The following STK3 variants were observed in gnomAD, a reference collection of about 807,000 sequenced individuals.
STK3 encodes serine/threonine-protein kinase 3.
In STK3, 41 loss-of-function variants were observed where a neutral mutation model predicts 58.0. The observed-to-expected ratio is 0.71, with a 90% confidence interval of 0.55 to 0.92. STK3 has a LOEUF of 0.92. STK3 is among the 40% of genes least tolerant of loss of function. The probability of loss-of-function intolerance (pLI) is 0.00; values close to 1 mark genes in which losing one functional copy is unlikely to be tolerated. For missense variants in STK3, 479 were observed against 602.7 expected (o/e 0.79, Z 2.15); for synonymous variants, 170 against 191.0 (o/e 0.89, Z 0.91).
At chr8:98,511,867 G>C (rs540687217) in intron 10 of STK3, among the ~76,000 whole-genome samples, 1 of 152,052 alleles carries the variant, frequency 6.6e-6, no homozygotes, top group Non-Finnish European at 1.5e-5. Context: ...ATTTAAGTTA[G>C]AGGTTATGTA....
intron 9 of STK3, among the ~76,000 whole-genome samples, chr8:98,529,580 T>C (rs1826005466): frequency 6.6e-6 from 1 of 152,244 alleles, no homozygotes; most frequent in Non-Finnish European, 1.5e-5. Context: ...TCTGGGTATA[T>C]ATCCGGAACT....
At chr8:98,850,292 G>T (rs1277432527) in intron 3 of STK3, among the ~76,000 whole-genome samples, 1 of 152,112 alleles carries the variant, frequency 6.6e-6, no homozygotes, top group Admixed American at 6.5e-5. Context: ...TCCCTCCTCA[G>T]CTTCCTAAGT....
chr8:98,694,333 C>G (rs1288513496), intron 6 of STK3, among the ~76,000 whole-genome samples: 1 of 151,546 alleles, frequency 6.6e-6, no homozygotes. Context: ...AGATAGAGAC[C>G]TTTTTTTAGG....
intron 3 of STK3, among the ~76,000 whole-genome samples, chr8:98,878,530 T>C (rs1033250375): frequency 6.6e-6 from 1 of 152,080 alleles, no homozygotes; most frequent in African/African-American, 2.4e-5. Context: ...TAACCATTTT[T>C]CCCGCCAAAC....
chr8:98,706,054 G>C (rs1318051281), intron 6 of STK3, among the ~76,000 whole-genome samples: 1 of 149,568 alleles, frequency 6.7e-6, no homozygotes, highest in Non-Finnish European at 1.5e-5. Flanking sequence ...AAGAGAAAAG[G>C]CAGAAAAAAA....
intron 10 of STK3, among the ~76,000 whole-genome samples, chr8:98,502,014 A>C (rs1314345487): frequency 6.6e-6 from 1 of 152,166 alleles, no homozygotes; most frequent in Non-Finnish European, 1.5e-5. Flanking sequence ...CATTTTCACA[A>C]TATTGATGCC....
intron 4 of STK3, among the ~76,000 whole-genome samples, chr8:98,740,209 G>C (rs937172374): frequency 1.9e-4 from 29 of 152,110 alleles, no homozygotes; most frequent in Admixed American, 1.2e-3. Flanking sequence ...ATCTAGCAAG[G>C]CAGGCCAACA....
rs558761963 is a variant in STK3, at chr8:98,710,714, G to T, written c.352-3403C>A. Among the ~76,000 whole-genome samples the T allele has an allele frequency of 2.6e-5, 4 of 152,346 alleles. No individual in the cohort carries two copies. The South Asian group carries it at 8.3e-4, about 32-fold the overall frequency. ...TACCTCTGTAGACTCCACCTCTGGG[G>T]GCAGGGCATAGCCAAACAAGGCAGC... On this transcript the variant is annotated intron_variant, in intron 4 of 10. Coordinates refer to ENST00000419617, the MANE Select transcript of STK3 (RefSeq NM_006281.4).
rs567929051 is a variant in STK3 at position 98,596,028 on chromosome 8, T to C, written c.822+4A>G. The C allele has an allele frequency of 3.1e-6, 5 of 1,612,670 alleles. No individual in the cohort carries two copies. The highest frequency in any genetic ancestry group is 1.7e-4 in the Middle Eastern group (1 of 6,060). On this transcript the variant is annotated splice_donor_region_variant and intron_variant, in intron 7 of 10. Coordinates refer to ENST00000419617, the MANE Select transcript of STK3 (RefSeq NM_006281.4). ...ATCCTTCCCTTCGAGGCACAAGCACTGACCTGTAAAAGTTGTGTTGCAGTA... is the reference window on the plus strand; with the variant it reads ...ATCCTTCCCTTCGAGGCACAAGCACCGACCTGTAAAAGTTGTGTTGCAGTA...
chr8:98,907,803 A>T (rs1403550880), intron 1 of STK3, among the ~76,000 whole-genome samples: 1 of 152,208 alleles, frequency 6.6e-6, no homozygotes, highest in Non-Finnish European at 1.5e-5. Context: ...TTAAATTAGG[A>T]TCCAGACTAG....
chr8:98,431,671 T>C (rs1012281301), intron 3 of STK3: 1 of 167,046 alleles, frequency 6.0e-6, no homozygotes, highest in Non-Finnish European at 1.5e-5. Context: ...TTCATGAAGA[T>C]TTTTCTAAAC....
At chr8:98,816,823 C>T (rs1414988425) in intron 1 of STK3, among the ~76,000 whole-genome samples, 3 of 152,100 alleles carry the variant, frequency 2.0e-5, no homozygotes, top group Non-Finnish European at 2.9e-5. Context: ...TGTGAGCCAC[C>T]GTGTCTGGCC....
intron 1 of STK3, among the ~76,000 whole-genome samples, chr8:98,933,638 G>A (rs754907319): frequency 6.6e-6 from 1 of 152,148 alleles, no homozygotes; most frequent in Non-Finnish European, 1.5e-5. Context: ...TATGTCTTCA[G>A]TGTCACTCCA....
chr8:98,509,066 T>C (rs1563681766), intron 10 of STK3, among the ~76,000 whole-genome samples: 1 of 152,108 alleles, frequency 6.6e-6, no homozygotes, highest in Non-Finnish European at 1.5e-5. Flanking sequence ...ATCTTTTTTT[T>C]TCATCTGAAA....
chr8:98,380,710 T>G (rs1817723194), intron 1 of STK3, among the ~76,000 whole-genome samples: 1 of 152,342 alleles, frequency 6.6e-6, no homozygotes, highest in South Asian at 2.1e-4. Flanking sequence ...GTTTAATCCA[T>G]GAAAAATTTG....
chr8:98,430,759 GGAAA>G (rs928101532), intron 3 of STK3: 1 of 167,020 alleles, frequency 6.0e-6, no homozygotes, highest in Non-Finnish European at 1.5e-5. Flanking sequence ...CCAGGAGAAA[GGAAA>G]GAGTTGTAAA....
chr8:98,698,525 T>C (rs1027142271), intron 6 of STK3, among the ~76,000 whole-genome samples: 4 of 152,224 alleles, frequency 2.6e-5, no homozygotes, highest in African/African-American at 7.2e-5. Flanking sequence ...CCATGTTTAG[T>C]GCTTCCTTCA....
chr8:98,675,663 C>T (rs1823151014), intron 6 of STK3, among the ~76,000 whole-genome samples: 1 of 151,900 alleles, frequency 6.6e-6, no homozygotes, highest in African/African-American at 2.4e-5. Flanking sequence ...GAGATCGAGA[C>T]CATCCTGGCC....
intron 10 of STK3, among the ~76,000 whole-genome samples, chr8:98,502,553 A>G (rs1823693962): frequency 6.6e-6 from 1 of 151,972 alleles, no homozygotes; most frequent in African/African-American, 2.4e-5. Context: ...TGTCATAAAT[A>G]GCTTATTATT....
Sources: gnomAD v4.1 joint callset for allele counts (sites outside exome capture counted in the v4.1 genomes callset) on GRCh38, gnomAD v4.1.1 for gene constraint, MANE v1.5 for transcripts, NCBI Gene and HGNC (gene_info 2026-07-23, HGNC 2026-07-21) for gene names.